The following KCNG2 variants were observed in gnomAD, a reference collection of about 807,000 sequenced individuals.
The protein encoded by KCNG2 is voltage-gated potassium channel regulatory subunit KCNG2.
Under a neutral mutation model 12.3 loss-of-function variants are expected in KCNG2, and 7 were observed. The ratio of observed to expected loss-of-function variants is 0.57; its 90% confidence interval spans 0.32 to 1.07. The LOEUF (loss-of-function observed/expected upper bound fraction) is 1.07, where lower values mean the gene tolerates loss of function less well. Ranked by LOEUF, KCNG2 falls within the 50% of genes least tolerant of loss-of-function variation. The probability of loss-of-function intolerance (pLI) is 0.04; values close to 1 mark genes in which losing one functional copy is unlikely to be tolerated. For missense variants in KCNG2, 703 were observed against 726.0 expected (o/e 0.97, Z 0.36); for synonymous variants, 414 against 351.4 (o/e 1.18, Z -1.99).
chr18:79,802,422 T>C (rs975090357), intron 1 of KCNG2, among the ~76,000 whole-genome samples: 3 of 150,398 alleles, frequency 2.0e-5, no homozygotes, highest in African/African-American at 7.4e-5. Context: ...AGCCTGGCCT[T>C]GACACCTGTC....
At chr18:79,874,734 G>T (rs559756596) in intron 3 of KCNG2, among the ~76,000 whole-genome samples, 1 of 152,160 alleles carries the variant, frequency 6.6e-6, no homozygotes, top group Non-Finnish European at 1.5e-5. Context: ...GTGCATCTCC[G>T]CTCCCTCCTC....
intron 3 of KCNG2, among the ~76,000 whole-genome samples, chr18:79,866,288 A>G (rs1979539014): frequency 8.4e-6 from 1 of 119,114 alleles, no homozygotes. Flanking sequence ...GTGTGATGAG[A>G]GGTCTGTGTG....
intron 1 of KCNG2, among the ~76,000 whole-genome samples, chr18:79,828,775 C>A (rs1426621586): frequency 4.5e-5 from 5 of 111,450 alleles, no homozygotes; most frequent in African/African-American, 1.8e-4. Context: ...GTGTGTGTAA[C>A]GTGTCTGTGT....
intron 3 of KCNG2, among the ~76,000 whole-genome samples, chr18:79,888,851 G>A (rs1296341329): frequency 6.6e-6 from 1 of 150,844 alleles, no homozygotes; most frequent in Non-Finnish European, 1.5e-5. Context: ...TTTTTTTTTT[G>A]TATTTTCAGT....
intron 1 of KCNG2, among the ~76,000 whole-genome samples, chr18:79,815,441 CAAAAAA>C (rs760919178): frequency 3.8e-5 from 3 of 78,814 alleles, no homozygotes; most frequent in African/African-American, 4.0e-5. Context: ...AACCCTGCCT[CAAAAAA>C]AAAAAAAAAA....
intron 3 of KCNG2, among the ~76,000 whole-genome samples, chr18:79,897,032 AC>A (rs1321796668): frequency 4.0e-5 from 6 of 151,876 alleles, no homozygotes; most frequent in African/African-American, 1.5e-4. Context: ...GACCTTCGTT[AC>A]TTGTATTATG....
chr18:79,843,885 A>G (rs1978540945), intron 1 of KCNG2, among the ~76,000 whole-genome samples: 1 of 152,208 alleles, frequency 6.6e-6, no homozygotes, highest in Non-Finnish European at 1.5e-5. Flanking sequence ...CCTATCAATA[A>G]TTACTTTAAA....
intron 3 of KCNG2, among the ~76,000 whole-genome samples, chr18:79,874,292 A>C (rs1979979594): frequency 6.6e-6 from 1 of 152,200 alleles, no homozygotes; most frequent in African/African-American, 2.4e-5. Context: ...AGTCACCCTA[A>C]TAACAAAAAT....
At chr18:79,841,501 A>G (rs866142072) in intron 1 of KCNG2, among the ~76,000 whole-genome samples, 11 of 152,360 alleles carry the variant, frequency 7.2e-5, no homozygotes, top group Middle Eastern at 3.4e-3. Context: ...TTTGCAAACT[A>G]TATACCCAAC....
rs532669507 is a variant in KCNG2, at chr18:79,877,106, C to G, written c.624+12815C>G. On this transcript the variant is annotated intron_variant, in intron 3 of 3. Transcript: ENST00000316249. The stretch of plus-strand genomic sequence containing the variant: ...TGTTCCCTTACATAGATTTAATATT[C>G]TGCTTTTCTGTCTTCATTTGACGCA... 1.0e-3 allele frequency among the ~76,000 whole-genome samples: 152 copies of G among 152,350 alleles called. 1 individual carries two copies. The highest frequency in any genetic ancestry group is 1.9e-3 in the Non-Finnish European group (126 of 68,026).
At chr18:79,829,266 G>T (rs1419202814) in intron 1 of KCNG2, among the ~76,000 whole-genome samples, 1 of 151,844 alleles carries the variant, frequency 6.6e-6, no homozygotes, top group Non-Finnish European at 1.5e-5. Context: ...GTGTCTGTGT[G>T]TGCATGTGTC....
At chr18:79,878,572 C>G (rs1038063552) in intron 3 of KCNG2, among the ~76,000 whole-genome samples, 1 of 152,254 alleles carries the variant, frequency 6.6e-6, no homozygotes, top group Non-Finnish European at 1.5e-5. Flanking sequence ...GTGCTGCATT[C>G]CTCCCCTTGG....
At chr18:79,873,976 G>A (rs3826576) in intron 3 of KCNG2, among the ~76,000 whole-genome samples, 45,681 of 152,200 alleles carry the variant, frequency 0.3, 7,920 homozygotes, top group South Asian at 0.53. Context: ...GGGCTTTGAC[G>A]GGGTCATCCC....
Position 79,822,637 on chromosome 18 carries a change from C to G in KCNG2, c.-115+24623C>G, listed in dbSNP as rs1014950115. 1.3e-5 allele frequency among the ~76,000 whole-genome samples: 2 copies of G among 152,032 alleles called. No homozygotes were observed. Among genetic ancestry groups the G allele is most frequent in the Non-Finnish European group, 2.9e-5 (2 of 68,006 alleles). ...TAGAGATGGGGGTCTCGCTGTGTTG[C>G]CCCGGCAGGTCTTGAACTCCTGACC... On this transcript the variant is annotated intron_variant, in intron 1 of 3. Transcript: ENST00000316249. This position sits in a 1 kb window ranked among gnomAD's most constrained non-coding sequence, Gnocchi z 4.4.
chr18:79,827,253 G>A (rs1978286871), intron 1 of KCNG2, among the ~76,000 whole-genome samples: 1 of 152,226 alleles, frequency 6.6e-6, no homozygotes, highest in Non-Finnish European at 1.5e-5. Context: ...TGTCCACCCC[G>A]GAGCCCCCAG....
chr18:79,870,834 A>G lies in KCNG2; in HGVS notation c.624+6543A>G, dbSNP rs1979800513. The stretch of plus-strand genomic sequence containing the variant: ...TTTCTTCTGCACGTGGGCAGACGTC[A>G]CAGACACCGAGTTGTGTCAGCTCAC... On this transcript the variant is annotated intron_variant, in intron 3 of 3. Coordinates refer to ENST00000316249, the MANE Select transcript of KCNG2 (RefSeq NM_012283.2). Among the ~76,000 whole-genome samples the G allele has an allele frequency of 2.0e-5, 3 of 152,226 alleles. No homozygotes were observed. In the South Asian group the frequency reaches 6.2e-4, roughly 31 times the overall value.
chr18:79,861,230 T>A (rs565460135), intron 2 of KCNG2, among the ~76,000 whole-genome samples: 1 of 151,790 alleles, frequency 6.6e-6, no homozygotes. Context: ...ATTTTGCTCA[T>A]GTCTTGTGGA....
Position 79,899,145 on chromosome 18 carries a change from T to C in KCNG2, c.730T>C (p.Cys244Arg). 3.7e-6 allele frequency: 6 copies of C among 1,607,116 alleles called. No homozygotes were observed. The highest frequency in any genetic ancestry group is 5.1e-6 in the Non-Finnish European group (6 of 1,179,570). ...LLRSLQAESK[C>R]AFLRAPLNII... Reference sequence around the variant, plus strand: ...GCGCTCCCTGCAGGCCGAGAGCAAGTGCGCCTTCCTGCGCGCGCCACTCAA... The same window carrying C: ...GCGCTCCCTGCAGGCCGAGAGCAAGCGCGCCTTCCTGCGCGCGCCACTCAA... The change falls in exon 4 of 4, where the codon TGC (cysteine) becomes CGC (arginine). Residue 244 changes from cysteine to arginine, a missense_variant. Transcript: ENST00000316249.
At chr18:79,858,406 T>C (rs1394542288) in intron 2 of KCNG2, among the ~76,000 whole-genome samples, 2 of 152,250 alleles carry the variant, frequency 1.3e-5, no homozygotes, top group African/African-American at 4.8e-5. Flanking sequence ...CAGCACTTGG[T>C]TCCTGTTTGT....
Sources: gnomAD v4.1 joint callset for allele counts (sites outside exome capture counted in the v4.1 genomes callset) on GRCh38, gnomAD v4.1.1 for gene constraint, Gnocchi (gnomAD v3.1) non-coding constraint, MANE v1.5 for transcripts, NCBI Gene and HGNC (gene_info 2026-07-23, HGNC 2026-07-21) for gene names.